The following RXFP2 variants were observed in gnomAD, a reference collection of about 807,000 sequenced individuals.
The protein encoded by RXFP2 is relaxin family peptide receptor 2.
In RXFP2, 68 loss-of-function variants were observed where a neutral mutation model predicts 88.6. The ratio of observed to expected loss-of-function variants is 0.77; its 90% CI spans 0.63 to 0.94. The LOEUF (loss-of-function observed/expected upper bound fraction) is 0.94, where lower values mean the gene tolerates loss of function less well. RXFP2 is among the 40% of genes least tolerant of loss of function. The pLI is 0.00. For missense variants in RXFP2, 791 were observed against 893.9 expected, an observed-to-expected ratio of 0.88 and a Z score of 1.47; for synonymous variants, 329 against 306.8, an observed-to-expected ratio of 1.07 and a Z score of -0.76.
rs1451822708 is a variant in RXFP2 at position 31,792,006 on chromosome 13, C to T, written c.1346C>T (p.Thr449Ile). The part of the protein sequence containing the change: ...MRSFIKAENT[T>I]HAMSIKILCC... ...TCTTTCATTAAAGCTGAAAATACAA[C>T]TCACGCTATGTCCATCAAAATCCTT... The change falls in exon 15 of 18, where the codon ACT (threonine) becomes ATT (isoleucine). Residue 449 changes from threonine to isoleucine, a missense_variant. Thr to Ile is a moderately conservative substitution (Grantham distance 89, BLOSUM62 -1). Transcript: ENST00000298386. 6.2e-7 allele frequency: 1 copy of T among 1,613,472 alleles called. No homozygotes were observed. The highest frequency in any genetic ancestry group is 1.3e-5 in the African/African-American group (1 of 75,046).
In RXFP2 at chr13:31,760,470, G is replaced by A. The variant is rs189262177; in HGVS notation, c.242-1254G>A. ...CTTATCACCAGAGCTTAGAGCAGTA[G>A]AGTACACAGCAGGTACTCAGTCAGT... On this transcript the variant is annotated intron_variant, in intron 2 of 17. Transcript: ENST00000298386. 1.3e-3 allele frequency among the ~76,000 whole-genome samples: 200 copies of A among 152,318 alleles called. 3 individuals carry two copies. Among genetic ancestry groups the A allele is most frequent in the Admixed American group, 0.011 (166 of 15,290 alleles).
Position 31,792,043 on chromosome 13 carries a change from T to C in RXFP2, c.1375+8T>C. 3 of 1,578,068 alleles carry C rather than the reference T, an allele frequency of 1.9e-6. No homozygotes were observed. Among genetic ancestry groups the C allele is most frequent in the African/African-American group, 2.7e-5 (2 of 74,290 alleles). ...CCATCAAAATCCTTTGTTGTAAGTA[T>C]GTTTCCAGTATAAGTAGATTAAGGA... On this transcript the variant is annotated splice_region_variant and intron_variant, in intron 15 of 17. Transcript: ENST00000298386.
chr13:31,770,471 G>T (rs1405431714), intron 5 of RXFP2, among the ~76,000 whole-genome samples: 2 of 152,082 alleles, frequency 1.3e-5, no homozygotes, highest in African/African-American at 2.4e-5. Context: ...ACCATCTTGG[G>T]CTTTCACTGA....
intron 3 of RXFP2, among the ~76,000 whole-genome samples, chr13:31,762,737 T>C (rs1434900613): frequency 6.6e-6 from 1 of 152,268 alleles, no homozygotes; most frequent in African/African-American, 2.4e-5. Flanking sequence ...TATTTTATTA[T>C]ACACAAGAAT....
In RXFP2 at chr13:31,758,191, T is replaced by A. The variant is rs115714868; in HGVS notation, c.95-67T>A. On this transcript the variant is annotated intron_variant, in intron 1 of 17. Coordinates refer to ENST00000298386, the MANE Select transcript of RXFP2 (RefSeq NM_130806.5). The stretch of plus-strand genomic sequence containing the variant: ...CAACTCATATAGCTCTTGTGAAAAT[T>A]AAATGGGACAACACGGAGAGAGCTT... 1,061 of 1,563,204 alleles carry A rather than the reference T, an allele frequency of 6.8e-4. 8 individuals carry two copies. The African/African-American group carries it at 0.012, about 17-fold the overall frequency.
At chr13:31,751,400 A>G (rs1354701620) in intron 1 of RXFP2, among the ~76,000 whole-genome samples, 2 of 152,168 alleles carry the variant, frequency 1.3e-5, no homozygotes, top group African/African-American at 4.8e-5. Flanking sequence ...ACATAGATGG[A>G]AGGCTTTACT....
chr13:31,779,655 G>A (rs76410852), intron 9 of RXFP2, among the ~76,000 whole-genome samples: 8,896 of 152,170 alleles, frequency 0.058, 358 homozygotes, highest in Non-Finnish European at 0.088. Flanking sequence ...GGATTGTCAT[G>A]TCTATTGCTT....
Position 31,739,646 on chromosome 13 carries a change from A to G in RXFP2, c.34A>G (p.Ser12Gly). The change falls in exon 1 of 18, where the codon AGC becomes GGC. Residue 12 changes from serine to glycine, a missense_variant. By Grantham distance (56) the Ser-to-Gly change is moderately conservative. Transcript: ENST00000298386. Reference sequence around the variant, plus strand: ...TTTTCTGGTTTTTAAACATCTCTTCAGCCTCAGATTGATTACAATGTTCTT... The same window carrying G: ...TTTTCTGGTTTTTAAACATCTCTTCGGCCTCAGATTGATTACAATGTTCTT... ...IVFLVFKHLF[S>G]LRLITMFFLL... 1 of 1,608,520 alleles carries G rather than the reference A, an allele frequency of 6.2e-7. No individual in the cohort carries two copies. The highest frequency in any genetic ancestry group is 8.5e-7 in the Non-Finnish European group (1 of 1,174,952).
At chr13:31,758,839 A>G (rs978048159) in intron 2 of RXFP2, among the ~76,000 whole-genome samples, 2 of 152,078 alleles carry the variant, frequency 1.3e-5, no homozygotes, top group African/African-American at 4.8e-5. Flanking sequence ...GGAGTTCGAG[A>G]TCAGCCTGGC....
At chr13:31,759,414 A>AAAGAGAGAAAGAAAGAAAGAAAGAAAG (rs1872172289) in intron 2 of RXFP2, among the ~76,000 whole-genome samples, 1 of 150,656 alleles carries the variant, frequency 6.6e-6, no homozygotes, top group African/African-American at 2.4e-5. Context: ...AGAAAGAAAG[A>AAAGAGAGAAAGAAAGAAAGAAAGAAAG]AAGAAAGAAA....
intron 3 of RXFP2, among the ~76,000 whole-genome samples, chr13:31,762,303 G>A (rs1018942163): frequency 3.3e-5 from 5 of 152,240 alleles, no homozygotes; most frequent in Non-Finnish European, 7.3e-5. Flanking sequence ...GATTCCCAGA[G>A]AGGATAACAT....
At chr13:31,758,674 C>T (rs1406557230) in intron 2 of RXFP2, among the ~76,000 whole-genome samples, 1 of 152,130 alleles carries the variant, frequency 6.6e-6, no homozygotes, top group Non-Finnish European at 1.5e-5. Flanking sequence ...CTTCAATACT[C>T]ATATTTTAAT....
intron 13 of RXFP2, among the ~76,000 whole-genome samples, chr13:31,787,613 T>C (rs1352057187): frequency 1.3e-5 from 2 of 152,142 alleles, no homozygotes; most frequent in African/African-American, 2.4e-5. Flanking sequence ...TCATTTCTAC[T>C]TTTTTTCTTT....
rs1465676254 is a variant in RXFP2, at chr13:31,797,346, G to A, written c.1932G>A (p.Val644=). 1 of 1,614,060 alleles carries A rather than the reference G, an allele frequency of 6.2e-7. No individual in the cohort carries two copies. Among genetic ancestry groups the A allele is most frequent in the South Asian group, 1.1e-5 (1 of 91,086 alleles). Residue 644 remains valine (V), a synonymous_variant, in exon 17 of 18, where the codon GTG becomes GTA. Coordinates refer to ENST00000298386, the MANE Select transcript of RXFP2 (RefSeq NM_130806.5). ...VAVANRFFFI[V]FSDAICWIPV... is the part of the protein sequence containing the mutation. Reference sequence around the variant, plus strand: ...TTGCAAATCGTTTCTTTTTTATAGTGTTCTCTGATGCCATCTGCTGGATTC... The same window carrying A: ...TTGCAAATCGTTTCTTTTTTATAGTATTCTCTGATGCCATCTGCTGGATTC...
chr13:31,793,999 C>T (rs961883111), intron 16 of RXFP2, among the ~76,000 whole-genome samples: 1 of 152,142 alleles, frequency 6.6e-6, no homozygotes, highest in Non-Finnish European at 1.5e-5. Flanking sequence ...TATTCACTAC[C>T]ATTGTTATAT....
chr13:31,759,985 G>A (rs1222157641), intron 2 of RXFP2, among the ~76,000 whole-genome samples: 1 of 152,120 alleles, frequency 6.6e-6, no homozygotes, highest in Admixed American at 6.5e-5. Flanking sequence ...CACCGGTCTA[G>A]GATGGCTGCA....
intron 7 of RXFP2, 30 bp from the exon 8 acceptor site, chr13:31,777,346 T>C: frequency 2.6e-6 from 4 of 1,509,558 alleles, no homozygotes; most frequent in East Asian, 4.5e-5. Context: ...GTCTCTAATA[T>C]TGGAAATGTT....
chr13:31,778,386 C>T, intron 8 of RXFP2, 126 bp from the exon 9 acceptor site: 2 of 686,692 alleles, frequency 2.9e-6, no homozygotes, highest in Non-Finnish European at 5.1e-6. Context: ...TTTGAAATAG[C>T]TATATATGTT....
At chr13:31,744,717 T>TG (rs1397317916) in intron 1 of RXFP2, among the ~76,000 whole-genome samples, 2 of 66,230 alleles carry the variant, frequency 3.0e-5, no homozygotes, top group African/African-American at 8.8e-5. Flanking sequence ...GGTTTGTTTT[T>TG]GTTTTTTTTT....
Sources: allele counts gnomAD v4.1 joint callset (sites outside exome capture counted in the v4.1 genomes callset), GRCh38; gene constraint gnomAD v4.1.1; transcripts MANE v1.5; gene names NCBI Gene and HGNC (gene_info 2026-07-23, HGNC 2026-07-21).